SAMD9L: variants seen among roughly 807,000 people sequenced by gnomAD.
SAMD9L encodes sterile alpha motif domain containing 9 like.
SAMD9L carries 68 observed loss-of-function variants against 90.7 expected under a neutral mutation model. That is an observed-to-expected ratio of 0.75 (90% CI 0.62 to 0.92). The LOEUF (loss-of-function observed/expected upper bound fraction) is 0.92. Ranked by LOEUF, SAMD9L falls within the 40% of genes least tolerant of loss-of-function variation. SAMD9L has a pLI of 0.00. For synonymous variants in SAMD9L, 640 were observed against 630.1 expected (o/e 1.02, Z -0.23); for missense variants, 1,604 against 1,824.3 (o/e 0.88, Z 2.20).
At position 93,132,425 on chromosome 7, in the gene SAMD9L, G is replaced by A; in HGVS notation, c.3547C>T (p.Gln1183Ter). Residue 1183 changes from glutamine (Q) to a stop codon, truncating the protein, a stop_gained, in exon 5 of 5, where the codon CAG (glutamine) becomes TAG (stop). Coordinates refer to ENST00000318238, the MANE Select transcript of SAMD9L (RefSeq NM_152703.5). LOFTEE classifies it high-confidence loss of function. ...KNYETENWSPQKSQRRYDMYN... is the reference protein window; with the variant it reads ...KNYETENWSP ...ATGTCATATCGTCTCTGGGACTTCT[G>A]TGGTGACCAGTTCTCGGTTTCATAG... The A allele has an allele frequency of 1.2e-5, 20 of 1,613,682 alleles. No homozygotes were observed. Among genetic ancestry groups the A allele is most frequent in the Non-Finnish European group, 1.7e-5 (20 of 1,179,802 alleles).
chr7:93,135,806 C>T lies in SAMD9L; in HGVS notation c.166G>A (p.Val56Ile), dbSNP rs2116508129. The change falls in exon 5 of 5, where the codon GTA becomes ATA. Residue 56 changes from valine to isoleucine, a missense_variant. Val to Ile is a conservative substitution (Grantham distance 29). Around this residue, in one of 7 missense-constraint regions of SAMD9L, gnomAD observed 374 missense variants for 363.6 expected, o/e 1.03. Transcript: ENST00000318238. ...GGACCCCATGGTAGCCCCATTTCTA[C>T]AAGGTCCTTCTCAGTTAATTCCTGC... ...VLQELTEKDLVEMGLPWGPAL... is the reference protein window; with the variant it reads ...VLQELTEKDLIEMGLPWGPAL... 2 of 1,614,082 alleles carry T rather than the reference C, an allele frequency of 1.2e-6. No individual in the cohort carries two copies.
rs568445278 is a variant in SAMD9L, at chr7:93,134,992, A to C, written c.980T>G (p.Ile327Ser). The change falls in exon 5 of 5, where the codon ATT (isoleucine) becomes AGT (serine). Residue 327 changes from isoleucine to serine, a missense_variant. Ile to Ser is a moderately radical substitution (Grantham distance 142). Coordinates refer to ENST00000318238, the MANE Select transcript of SAMD9L (RefSeq NM_152703.5). ...TTGTTTCCATATTTTATCTTTACAA[A>C]TTTGCATCTGAATGTAGAAATACTT... ...NDKYFYIQMQ[I>S]CKDKIWKQNQ... 8.7e-6 allele frequency: 14 copies of C among 1,613,470 alleles called. No homozygotes were observed. The Admixed American group carries it at 2.2e-4, about 25-fold the overall frequency.
At position 93,133,940 on chromosome 7, in the gene SAMD9L, CCAGG is replaced by C; in HGVS notation, c.2028_2031del (p.Phe676LeufsTer45). 1.9e-6 allele frequency: 3 copies of C among 1,613,808 alleles called. No individual in the cohort carries two copies. The highest frequency in any genetic ancestry group is 2.5e-6 in the Non-Finnish European group (3 of 1,179,840). Reference sequence around the variant, plus strand: ...TGTTCTTCTTTTGATTTCTTAAACTCCAGGAATTTAGATTTGTCTTTCTCGATGT... The same window carrying C: ...TGTTCTTCTTTTGATTTCTTAAACTCAATTTAGATTTGTCTTTCTCGATGT... On this transcript the variant is annotated frameshift_variant, in exon 5 of 5. Transcript: ENST00000318238. LOFTEE classifies it high-confidence loss of function.
rs563481181 is a variant in SAMD9L, at chr7:93,133,542, A to C, written c.2430T>G (p.Asn810Lys). The change falls in exon 5 of 5, where the codon AAT (asparagine) becomes AAG (lysine). Residue 810 changes from asparagine (N) to lysine (K), a missense_variant. Around this residue, in one of 7 missense-constraint regions of SAMD9L, gnomAD observed 606 missense variants for 717.6 expected, o/e 0.84. Coordinates refer to ENST00000318238, the MANE Select transcript of SAMD9L (RefSeq NM_152703.5). ...GGATGGCATTTTGTAGAAAGTAGAC[A>C]TTTTCTTGTTCTTCAAAATCATCCA... ...LLVDDFEEQENVYFLQNAIHS... is the reference protein window; with the variant it reads ...LLVDDFEEQEKVYFLQNAIHS... 6.2e-7 allele frequency: 1 copy of C among 1,613,732 alleles called. No homozygotes were observed. The highest frequency in any genetic ancestry group is 8.5e-7 in the Non-Finnish European group (1 of 1,179,834).
In SAMD9L at chr7:93,131,599, G is replaced by A. The variant is rs267601632; in HGVS notation, c.4373C>T (p.Ser1458Phe). 6.2e-7 allele frequency: 1 copy of A among 1,613,860 alleles called. No individual in the cohort carries two copies. The highest frequency in any genetic ancestry group is 8.5e-7 in the Non-Finnish European group (1 of 1,179,866). Residue 1458 changes from serine (S) to phenylalanine (F), a missense_variant, in exon 5 of 5, where the codon TCC becomes TTC. Physicochemically the swap from Ser to Phe is radical, Grantham distance 155. Coordinates refer to ENST00000318238, the MANE Select transcript of SAMD9L (RefSeq NM_152703.5). ...CATGCGCTTGTACTGTCCCCTGAAG[G>A]ATCTATTTAAGGATGAAACATACTT... Reference protein sequence around the residue: ...IEKYVSSLNRSFRGQYKRMCR... With the variant: ...IEKYVSSLNRFFRGQYKRMCR...
chr7:93,132,611 C>T lies in SAMD9L; in HGVS notation c.3361G>A (p.Asp1121Asn). The T allele has an allele frequency of 6.2e-7, 1 of 1,613,630 alleles. No individual in the cohort carries two copies. The highest frequency in any genetic ancestry group is 8.5e-7 in the Non-Finnish European group (1 of 1,179,798). ...MKAPKNSYIS[D>N]TLGQVYKSEI... Reference sequence around the variant, plus strand: ...CTTTTGTAGACTTGACCTAGTGTATCTGAAATATAGGAATTTTTAGGTGCT... The same window carrying T: ...CTTTTGTAGACTTGACCTAGTGTATTTGAAATATAGGAATTTTTAGGTGCT... The change falls in exon 5 of 5, where the codon GAT becomes AAT. Residue 1121 changes from aspartate to asparagine, a missense_variant. Coordinates refer to ENST00000318238, the MANE Select transcript of SAMD9L (RefSeq NM_152703.5).
At chr7:93,142,820 A>G (rs1792743804) in intron 4 of SAMD9L, among the ~76,000 whole-genome samples, 1 of 152,202 alleles carries the variant, frequency 6.6e-6, no homozygotes, top group Admixed American at 6.5e-5. Flanking sequence ...TTTAGGTGTG[A>G]GGCAGTATCT....
intron 1 of SAMD9L, among the ~76,000 whole-genome samples, chr7:93,147,368 T>C (rs1295832474): frequency 6.6e-6 from 1 of 152,208 alleles, no homozygotes; most frequent in Non-Finnish European, 1.5e-5. Context: ...TTTAGCAACG[T>C]TGGTTATTGA....
Position 93,133,409 on chromosome 7 carries a change from T to C in SAMD9L, c.2563A>G (p.Ile855Val). The C allele has an allele frequency of 1.2e-6, 2 of 1,613,670 alleles. No individual in the cohort carries two copies. Among genetic ancestry groups the C allele is most frequent in the South Asian group, 1.1e-5 (1 of 91,072 alleles). Residue 855 changes from isoleucine to valine, a missense_variant, in exon 5 of 5, where the codon ATT becomes GTT. By Grantham distance (29) the Ile-to-Val change is conservative (BLOSUM62 3). Coordinates refer to ENST00000318238, the MANE Select transcript of SAMD9L (RefSeq NM_152703.5). ...GAAGAAAGTTGGTAATTTAGTGCAATACTGTCTGCCAATTTTGCACTTTCA... is the reference window on the plus strand; with the variant it reads ...GAAGAAAGTTGGTAATTTAGTGCAACACTGTCTGCCAATTTTGCACTTTCA... ...PDESAKLADS[I>V]ALNYQLSSKE...
chr7:93,146,503 A>C (rs760984651), intron 2 of SAMD9L, among the ~76,000 whole-genome samples: 27 of 152,198 alleles, frequency 1.8e-4, no homozygotes, highest in African/African-American at 6.5e-4. Flanking sequence ...CATAAGGACA[A>C]ATTTCTTTAC....
In SAMD9L at chr7:93,135,394, A is replaced by T. The variant is rs561801768; in HGVS notation, c.578T>A (p.Ile193Asn). The change falls in exon 5 of 5, where the codon ATT becomes AAT. Residue 193 changes from isoleucine to asparagine, a missense_variant. By Grantham distance (149) the Ile-to-Asn change is moderately radical. This residue lies in a region of SAMD9L where 374 missense variants were observed against 363.6 expected (regional missense o/e 1.03). Coordinates refer to ENST00000318238, the MANE Select transcript of SAMD9L (RefSeq NM_152703.5). ...AGCTTTGAACTCATGTATTGGATCAATGAGATTGAGTGCTCCTGTTTCAGG... is the reference window on the plus strand; with the variant it reads ...AGCTTTGAACTCATGTATTGGATCATTGAGATTGAGTGCTCCTGTTTCAGG... ...LQPETGALNL[I>N]DPIHEFKALT... 1.9e-6 allele frequency: 3 copies of T among 1,614,134 alleles called. No individual in the cohort carries two copies. Among genetic ancestry groups the T allele is most frequent in the Non-Finnish European group, 2.5e-6 (3 of 1,179,978 alleles).
In SAMD9L at chr7:93,133,114, G is replaced by A. The variant is rs1237254149; in HGVS notation, c.2858C>T (p.Thr953Ile). The A allele has an allele frequency of 3.7e-6, 6 of 1,612,950 alleles. No homozygotes were observed. The highest frequency in any genetic ancestry group is 2.7e-5 in the African/African-American group (2 of 74,980). Residue 953 changes from threonine (T) to isoleucine (I), a missense_variant, in exon 5 of 5, where the codon ACA (threonine) becomes ATA (isoleucine). Physicochemically the swap from Thr to Ile is moderately conservative, Grantham distance 89. This residue lies in a region of SAMD9L where 606 missense variants were observed against 717.6 expected (regional missense o/e 0.84). Transcript: ENST00000318238. Reference protein sequence around the residue: ...EIFLGIIYTSTPWEPESLEDK... With the variant: ...EIFLGIIYTSIPWEPESLEDK... Reference sequence around the variant, plus strand: ...TTCTAAGCTTTCAGGTTCCCAGGGTGTACTAGTGTATATGATTCCCAAAAA... The same window carrying A: ...TTCTAAGCTTTCAGGTTCCCAGGGTATACTAGTGTATATGATTCCCAAAAA...
chr7:93,142,552 A>G (rs1296722778), intron 4 of SAMD9L, among the ~76,000 whole-genome samples: 1 of 152,236 alleles, frequency 6.6e-6, no homozygotes, highest in Non-Finnish European at 1.5e-5. Context: ...TAACAGGCAA[A>G]TTACAGAGAC....
At position 93,134,048 on chromosome 7, in the gene SAMD9L, A is replaced by G; in HGVS notation, c.1924T>C (p.Ser642Pro). Residue 642 changes from serine to proline, a missense_variant, in exon 5 of 5, where the codon TCA (serine) becomes CCA (proline). Ser to Pro is a moderately conservative substitution (Grantham distance 74). This residue lies in a region of SAMD9L where 606 missense variants were observed against 717.6 expected (regional missense o/e 0.84). Coordinates refer to ENST00000318238, the MANE Select transcript of SAMD9L (RefSeq NM_152703.5). ...TCTTTCTTTTTCTCTAGGATAACTG[A>G]AGAAGATCCACGGGCGGGCAAAAAC... ...RRFLPARGSS[S>P]VILEKKKEDV... 1 of 1,613,898 alleles carries G rather than the reference A, an allele frequency of 6.2e-7. No individual in the cohort carries two copies. The highest frequency in any genetic ancestry group is 8.5e-7 in the Non-Finnish European group (1 of 1,179,872).
Position 93,134,430 on chromosome 7 carries a change from T to C in SAMD9L, c.1542A>G (p.Pro514=). ...AAGCTCTTTCTCTCTGCCATAAATG[T>C]GGTTCTAGAGGTTTATATGTCTCGC... ...LKSETYKPLE[P]HLWQRERASE... The change falls in exon 5 of 5, where the codon CCA becomes CCG. Residue 514 remains proline (P), a synonymous_variant. Transcript: ENST00000318238. The C allele has an allele frequency of 6.2e-7, 1 of 1,613,862 alleles. No individual in the cohort carries two copies. Among genetic ancestry groups the C allele is most frequent in the Non-Finnish European group, 8.5e-7 (1 of 1,179,828 alleles).
rs1792964021 is a variant in SAMD9L at position 93,148,140 on chromosome 7, AGCTGTC to A, written c.-1043+48_-1043+53del. The A allele has an allele frequency of 2.6e-5, 4 of 152,264 alleles. No individual in the cohort carries two copies. In the South Asian group the frequency reaches 8.3e-4, roughly 31 times the overall value. 9.4% of individuals were successfully genotyped at this position (152,264 alleles called of 1,614,324 possible). ...AAGTACAGCTGAAGTTTTAAAAAAT[AGCTGTC>A]GCCTCAAAAGCATAACAAATAAAGG... On this transcript the variant is annotated intron_variant, in intron 1 of 4. Transcript: ENST00000318238.
intron 1 of SAMD9L, among the ~76,000 whole-genome samples, chr7:93,147,659 T>G (rs1792944884): frequency 6.6e-6 from 1 of 152,198 alleles, no homozygotes; most frequent in African/African-American, 2.4e-5. Context: ...AGCAAGTTAG[T>G]TTCGTTTTCC....
Position 93,132,161 on chromosome 7 carries a change from A to G in SAMD9L, c.3811T>C (p.Phe1271Leu). ...TTCAGAAGAACCATATAATCAATAA[A>G]AAAGTCAAAGCACCTTTTCAGATCT... Reference protein sequence around the residue: ...QSDLKRCFDFFIDYMVLLKMR... With the variant: ...QSDLKRCFDFLIDYMVLLKMR... Residue 1271 changes from phenylalanine (F) to leucine (L), a missense_variant, in exon 5 of 5, where the codon TTT becomes CTT. Transcript: ENST00000318238. 6.2e-7 allele frequency: 1 copy of G among 1,613,222 alleles called. No homozygotes were observed.
In SAMD9L at chr7:93,140,060, TCAGTCCCCAAC is replaced by T. The variant is rs1159312384; in HGVS notation, c.-20-4080_-20-4070del. Among the ~76,000 whole-genome samples, 4 of 149,562 alleles carry T rather than the reference TCAGTCCCCAAC, an allele frequency of 2.7e-5. No homozygotes were observed. In the East Asian group the frequency reaches 7.9e-4, roughly 30 times the overall value. On this transcript the variant is annotated intron_variant, in intron 4 of 4. Transcript: ENST00000318238. ...CACTCAGTCCCCACTCAGTCCCCAC[TCAGTCCCCAAC>T]AGCTTGTCAGAGCATGGCTGGAGAA...
Sources: gnomAD v4.1 joint callset for allele counts (sites outside exome capture counted in the v4.1 genomes callset) on GRCh38, gnomAD v4.1.1 for gene constraint, gnomAD v4.1.1 regional missense constraint, MANE v1.5 for transcripts, NCBI Gene and HGNC (gene_info 2026-07-23, HGNC 2026-07-21) for gene names.